SLC17A6: variants seen among roughly 807,000 people sequenced by gnomAD.
The protein encoded by SLC17A6 is solute carrier family 17 member 6.
Under a neutral mutation model 67.1 loss-of-function variants are expected in SLC17A6, and 35 were observed. The ratio of observed to expected loss-of-function variants is 0.52; its 90% CI spans 0.40 to 0.69. The LOEUF (loss-of-function observed/expected upper bound fraction) is 0.69. Among genes scored for constraint, SLC17A6 ranks in the 30% least tolerant of loss-of-function variants. The pLI is 0.00. For missense variants in SLC17A6, 588 were observed against 723.9 expected, an observed-to-expected ratio of 0.81 and a Z score of 2.15; for synonymous variants, 285 against 252.3, an observed-to-expected ratio of 1.13 and a Z score of -1.23.
At chr11:22,345,496 T>A (rs1237806496) in intron 3 of SLC17A6, among the ~76,000 whole-genome samples, 2 of 152,030 alleles carry the variant, frequency 1.3e-5, no homozygotes, top group Non-Finnish European at 2.9e-5. Flanking sequence ...TAGAAAAAAA[T>A]TTTAATTTTT....
intron 1 of SLC17A6, among the ~76,000 whole-genome samples, chr11:22,339,155 A>ATATATATATGTTT (rs1564976507): frequency 0.035 from 1,011 of 28,638 alleles, 100 homozygotes; most frequent in Non-Finnish European, 0.049. Flanking sequence ...ATATATAGTT[A>ATATATATATGTTT]TATATATATG....
intron 3 of SLC17A6, among the ~76,000 whole-genome samples, chr11:22,354,823 T>G (rs1411346770): frequency 4.6e-5 from 7 of 152,212 alleles, no homozygotes; most frequent in Admixed American, 2.0e-4. Flanking sequence ...AGTAAGAGCT[T>G]TCTAATATTG....
At chr11:22,355,308 C>T (rs575578996) in intron 3 of SLC17A6, among the ~76,000 whole-genome samples, 46 of 152,242 alleles carry the variant, frequency 3.0e-4, no homozygotes, top group African/African-American at 9.9e-4. Context: ...AGTTAAACAA[C>T]GTACTAGTTA....
chr11:22,356,318 C>G (rs940768046), intron 3 of SLC17A6, among the ~76,000 whole-genome samples: 3 of 152,088 alleles, frequency 2.0e-5, no homozygotes, highest in Non-Finnish European at 4.4e-5. Flanking sequence ...GAGGCTGCTT[C>G]AATTTTGGCT....
chr11:22,349,579 C>T (rs1047935179), intron 3 of SLC17A6, among the ~76,000 whole-genome samples: 2 of 152,184 alleles, frequency 1.3e-5, no homozygotes, highest in African/African-American at 4.8e-5. Flanking sequence ...CAGCATTCTG[C>T]TACTGCAGTG....
At chr11:22,358,414 G>T (rs1856014320) in intron 3 of SLC17A6, among the ~76,000 whole-genome samples, 1 of 152,120 alleles carries the variant, frequency 6.6e-6, no homozygotes, top group African/African-American at 2.4e-5. Context: ...TGCAACCTCT[G>T]CCTCCTGGGT....
intron 3 of SLC17A6, among the ~76,000 whole-genome samples, chr11:22,348,816 G>A (rs1045787627): frequency 2.0e-5 from 3 of 152,096 alleles, no homozygotes; most frequent in African/African-American, 7.2e-5. Flanking sequence ...TAAATATTCT[G>A]GCTGGCATAA....
intron 2 of SLC17A6, chr11:22,343,030 T>A (rs2133858340): frequency 1.6e-6 from 1 of 614,216 alleles, no homozygotes; most frequent in East Asian, 3.1e-5. Context: ...CCAGTGCGCC[T>A]GGCCTCACTA....
At chr11:22,348,489 T>C (rs977855713) in intron 3 of SLC17A6, among the ~76,000 whole-genome samples, 2 of 152,176 alleles carry the variant, frequency 1.3e-5, no homozygotes, top group Admixed American at 1.3e-4. Flanking sequence ...CACTTGATAA[T>C]GACTAAGATG....
At chr11:22,368,031 C>T (rs1369952872) in intron 7 of SLC17A6, among the ~76,000 whole-genome samples, 4 of 152,064 alleles carry the variant, frequency 2.6e-5, no homozygotes, top group Non-Finnish European at 4.4e-5. Flanking sequence ...TAACAATTAT[C>T]GTCTTGTCAT....
Position 22,360,986 on chromosome 11 carries a change from T to G in SLC17A6, c.661+2T>G. On this transcript the variant is annotated splice_donor_variant, in intron 5 of 11. Coordinates refer to ENST00000263160, the MANE Select transcript of SLC17A6 (RefSeq NM_020346.3). LOFTEE classifies it high-confidence loss of function. Reference sequence around the variant, plus strand: ...GACTGGCAACCACCTCCTTTTGTGGTGAGTACTGTGTGCAGATGCAGCTAT... The same window carrying G: ...GACTGGCAACCACCTCCTTTTGTGGGGAGTACTGTGTGCAGATGCAGCTAT... The G allele has an allele frequency of 6.2e-7, 1 of 1,613,292 alleles. No individual in the cohort carries two copies. Among genetic ancestry groups the G allele is most frequent in the Non-Finnish European group, 8.5e-7 (1 of 1,179,372 alleles).
chr11:22,355,954 G>T (rs940715584), intron 3 of SLC17A6, among the ~76,000 whole-genome samples: 2 of 152,036 alleles, frequency 1.3e-5, no homozygotes, highest in African/African-American at 4.8e-5. Flanking sequence ...CTGGACTACT[G>T]GTCTCTCCCT....
chr11:22,360,012 G>T (rs1440647839), intron 4 of SLC17A6, among the ~76,000 whole-genome samples: 3 of 151,476 alleles, frequency 2.0e-5, no homozygotes, highest in Non-Finnish European at 2.9e-5. Context: ...GACTTTGAAA[G>T]AATTCCACTT....
chr11:22,353,832 C>T (rs946631315), intron 3 of SLC17A6, among the ~76,000 whole-genome samples: 1 of 152,170 alleles, frequency 6.6e-6, no homozygotes, highest in Non-Finnish European at 1.5e-5. Context: ...TGGGTCTTCA[C>T]CCCATATCTG....
rs111310064 is a variant in SLC17A6, at chr11:22,379,358, GA to G, written c.*1628del. ...AAATGCAAATCATTCTTTACCTTAAGAAAAAAAAAATACCCTTTGCTTTGTG... is the reference window on the plus strand; with the variant it reads ...AAATGCAAATCATTCTTTACCTTAAGAAAAAAAAATACCCTTTGCTTTGTG... On this transcript the variant is annotated 3_prime_UTR_variant, in exon 12 of 12. Transcript: ENST00000263160. 1,104 of 147,938 alleles carry G rather than the reference GA, an allele frequency of 7.5e-3. 7 individuals are homozygous for G. The highest frequency in any genetic ancestry group is 0.012 in the Non-Finnish European group (813 of 66,604). 9.2% of individuals were successfully genotyped at this position (147,938 alleles called of 1,614,324 possible). A position where few individuals can be genotyped will look rare whatever the true frequency, so the allele number is the denominator to read the frequency against.
In SLC17A6 at chr11:22,375,994, A is replaced by G. The variant is rs1489962352; in HGVS notation, c.1187A>G (p.Glu396Gly). The G allele has an allele frequency of 6.2e-7, 1 of 1,605,110 alleles. No homozygotes were observed. Among genetic ancestry groups the G allele is most frequent in the Non-Finnish European group, 8.5e-7 (1 of 1,175,124 alleles). Residue 396 changes from glutamate to glycine, a missense_variant, in exon 10 of 12, where the codon GAA becomes GGA. Physicochemically the swap from Glu to Gly is moderately conservative, Grantham distance 98. Coordinates refer to ENST00000263160, the MANE Select transcript of SLC17A6 (RefSeq NM_020346.3). ...KIMNCGGFGMEATLLLVVGYS... is the reference protein window; with the variant it reads ...KIMNCGGFGMGATLLLVVGYS... The stretch of plus-strand genomic sequence containing the variant: ...TTTGCTTCTGAAGGTTTTGGCATGG[A>G]AGCCACACTGCTCCTGGTCGTTGGC...
chr11:22,339,920 C>G (rs575003864), intron 1 of SLC17A6, among the ~76,000 whole-genome samples: 1 of 151,456 alleles, frequency 6.6e-6, no homozygotes, highest in East Asian at 1.9e-4. Context: ...AAAAAAAAAA[C>G]CGCATTGGCT....
At chr11:22,346,303 G>C (rs1855875105) in intron 3 of SLC17A6, among the ~76,000 whole-genome samples, 2 of 152,142 alleles carry the variant, frequency 1.3e-5, no homozygotes, top group Non-Finnish European at 2.9e-5. Flanking sequence ...GAAAAACAAA[G>C]AGCAATTATT....
Position 22,374,743 on chromosome 11 carries a change from GT to G in SLC17A6, c.1042-7del. ...GTTATGTCTATTTCTCTCCCTTCTT[GT>G]TTTTCATCAGGTTGGTATGCTATCT... On this transcript the variant is annotated splice_polypyrimidine_tract_variant and intron_variant, in intron 8 of 11. Coordinates refer to ENST00000263160, the MANE Select transcript of SLC17A6 (RefSeq NM_020346.3). 2 of 1,576,948 alleles carry G rather than the reference GT, an allele frequency of 1.3e-6. No individual in the cohort carries two copies. The highest frequency in any genetic ancestry group is 1.7e-6 in the Non-Finnish European group (2 of 1,163,738).
Sources: gnomAD v4.1 joint callset for allele counts (sites outside exome capture counted in the v4.1 genomes callset) on GRCh38, gnomAD v4.1.1 for gene constraint, MANE v1.5 for transcripts, NCBI Gene and HGNC (gene_info 2026-07-23, HGNC 2026-07-21) for gene names.